TXNL1: variants seen among roughly 807,000 people sequenced by gnomAD.
TXNL1 encodes thioredoxin-like protein 1.
A neutral mutation model predicts 35.5 loss-of-function variants in TXNL1; 14 were observed. That is an observed-to-expected ratio of 0.39 (90% confidence interval 0.26 to 0.62). The LOEUF (loss-of-function observed/expected upper bound fraction) is 0.62, where lower values mean the gene tolerates loss of function less well. Among genes scored for constraint, TXNL1 ranks in the 20% least tolerant of loss-of-function variants. The probability of loss-of-function intolerance (pLI) is 0.47; values close to 1 mark genes in which losing one functional copy is unlikely to be tolerated. For missense variants in TXNL1, 263 were observed against 349.7 expected (o/e 0.75, Z 1.98); for synonymous variants, 110 against 115.5 (o/e 0.95, Z 0.31).
intron 1 of TXNL1, among the ~76,000 whole-genome samples, chr18:56,631,015 A>C (rs1430601908): frequency 2.0e-5 from 3 of 151,598 alleles, no homozygotes; most frequent in African/African-American, 7.3e-5. Flanking sequence ...CAAGCAGCTG[A>C]GACTACAGGC....
At chr18:56,618,459 C>T (rs1243249232) in intron 3 of TXNL1, among the ~76,000 whole-genome samples, 1 of 152,052 alleles carries the variant, frequency 6.6e-6, no homozygotes, top group Non-Finnish European at 1.5e-5. Flanking sequence ...AGCCTATTTC[C>T]CTCTTCTAGT....
intron 3 of TXNL1, among the ~76,000 whole-genome samples, chr18:56,620,051 C>G (rs1490441602): frequency 1.3e-5 from 2 of 152,112 alleles, no homozygotes; most frequent in East Asian, 3.9e-4. Context: ...TCACTGAAAC[C>G]TCCACCTCCC....
At chr18:56,603,169 T>C (rs1421016082) in intron 7 of TXNL1, 113 bp from the exon 8 acceptor site, 1 of 944,560 alleles carries the variant, frequency 1.1e-6, no homozygotes, top group Non-Finnish European at 1.6e-6. Context: ...CCTTGGATCT[T>C]TTCTGGCATG....
At chr18:56,608,864 T>C (rs2023944250) in intron 7 of TXNL1, 1 of 151,872 alleles carries the variant, frequency 6.6e-6, no homozygotes, top group African/African-American at 2.4e-5. Flanking sequence ...GGAGGATCAC[T>C]TGAGCCCAGG....
At chr18:56,631,572 A>G (rs2024371068) in intron 1 of TXNL1, among the ~76,000 whole-genome samples, 1 of 152,226 alleles carries the variant, frequency 6.6e-6, no homozygotes, top group Non-Finnish European at 1.5e-5. Context: ...ATTTTGAGTT[A>G]TGCTGTTTGA....
Position 56,607,609 on chromosome 18 carries a change from C to A in TXNL1, c.840+3384G>T, listed in dbSNP as rs559032631. On this transcript the variant is annotated intron_variant, in intron 7 of 7. Coordinates refer to ENST00000217515, the MANE Select transcript of TXNL1 (RefSeq NM_004786.3). ...AGGCACGGTGGCTCATGCCTCTAATCCCAGTACTTTGGAAGACCAAGGAAG... is the reference window on the plus strand; with the variant it reads ...AGGCACGGTGGCTCATGCCTCTAATACCAGTACTTTGGAAGACCAAGGAAG... 5.3e-5 allele frequency among the ~76,000 whole-genome samples: 8 copies of A among 152,216 alleles called. No individual in the cohort carries two copies. In the South Asian group the frequency reaches 1.7e-3, roughly 32 times the overall value.
chr18:56,638,203 T>C, intron 1 of TXNL1, 140 bp downstream of exon 1: 1 of 842,022 alleles, frequency 1.2e-6, no homozygotes, highest in Non-Finnish European at 1.8e-6. Context: ...AAACGAGGCC[T>C]AATTCCGGCA....
chr18:56,631,603 G>A (rs552722158), intron 1 of TXNL1, among the ~76,000 whole-genome samples: 2 of 152,226 alleles, frequency 1.3e-5, no homozygotes, highest in East Asian at 1.9e-4. Flanking sequence ...ACAGTAAACC[G>A]CTAGCTTTCT....
rs551207769 is a variant in TXNL1 at position 56,598,091 on chromosome 18, T to C, written c.*4936A>G. 2.2e-4 allele frequency: 34 copies of C among 152,334 alleles called. No individual in the cohort carries two copies. Among genetic ancestry groups the C allele is most frequent in the African/African-American group, 7.9e-4 (33 of 41,568 alleles). The allele number at this position is 152,334 out of a possible 1,614,324, so 9.4% of individuals were successfully genotyped here. ...CTTAACTCCCACTCTATGAACACAC[T>C]ATGCACTTTTCCTTTACTTCAGCTA... On this transcript the variant is annotated 3_prime_UTR_variant, in exon 8 of 8. Transcript: ENST00000217515.
chr18:56,626,053 G>C (rs946199693), intron 2 of TXNL1: 5 of 384,462 alleles, frequency 1.3e-5, no homozygotes, highest in Middle Eastern at 9.8e-4. Flanking sequence ...GGGGGTAGAA[G>C]ATATAATTCT....
At chr18:56,630,877 G>A (rs991997237) in intron 1 of TXNL1, among the ~76,000 whole-genome samples, 7 of 150,460 alleles carry the variant, frequency 4.7e-5, no homozygotes, top group African/African-American at 7.3e-5. Flanking sequence ...CAAATAAATC[G>A]ATCATTTTCT....
intron 5 of TXNL1, among the ~76,000 whole-genome samples, chr18:56,615,930 G>C (rs1598915914): frequency 6.6e-6 from 1 of 151,958 alleles, no homozygotes; most frequent in African/African-American, 2.4e-5. Flanking sequence ...AGGAGTTCAA[G>C]AACAGCCTGG....
chr18:56,622,547 A>C (rs2024206583), intron 3 of TXNL1, among the ~76,000 whole-genome samples: 1 of 152,234 alleles, frequency 6.6e-6, no homozygotes, highest in South Asian at 2.1e-4. Context: ...CCTGACAGAA[A>C]AAAAGGGACA....
chr18:56,636,359 A>G (rs534250503), intron 1 of TXNL1, among the ~76,000 whole-genome samples: 1 of 152,320 alleles, frequency 6.6e-6, no homozygotes, highest in Admixed American at 6.5e-5. Flanking sequence ...TACTGAATAC[A>G]GTTGTTTCTG....
At chr18:56,628,677 A>C (rs2144328284) in intron 1 of TXNL1, among the ~76,000 whole-genome samples, 1 of 152,334 alleles carries the variant, frequency 6.6e-6, no homozygotes, top group Non-Finnish European at 1.5e-5. Context: ...TGATAGAATA[A>C]GACTTCTGGA....
chr18:56,609,398 T>C (rs2023954555), intron 7 of TXNL1: 1 of 152,170 alleles, frequency 6.6e-6, no homozygotes, highest in Non-Finnish European at 1.5e-5. Context: ...AGGGGGATGT[T>C]AAACACGAGG....
chr18:56,633,127 C>T lies in TXNL1; in HGVS notation c.98+5216G>A, dbSNP rs552952246. 3.3e-5 allele frequency among the ~76,000 whole-genome samples: 5 copies of T among 151,000 alleles called. No individual in the cohort carries two copies. The East Asian group carries it at 7.8e-4, about 23-fold the overall frequency. On this transcript the variant is annotated intron_variant, in intron 1 of 7. Coordinates refer to ENST00000217515, the MANE Select transcript of TXNL1 (RefSeq NM_004786.3). ...TTCAATGTATCTCCAGCCTAAGCAA[C>T]ACGACAAAACCCCACCTCTACAAAA...
chr18:56,608,296 T>C (rs755094732), intron 7 of TXNL1: 1 of 152,248 alleles, frequency 6.6e-6, no homozygotes, highest in Non-Finnish European at 1.5e-5. Flanking sequence ...TTGAAGTTGT[T>C]ACTTTGTACA....
chr18:56,624,114 C>T (rs999146554), intron 3 of TXNL1, among the ~76,000 whole-genome samples, 174 bp downstream of exon 3: 5 of 152,038 alleles, frequency 3.3e-5, no homozygotes, highest in African/African-American at 1.2e-4. Flanking sequence ...CACACACAAA[C>T]GTACACATAC....
Sources: gnomAD v4.1 joint callset for allele counts (sites outside exome capture counted in the v4.1 genomes callset) on GRCh38, gnomAD v4.1.1 for gene constraint, MANE v1.5 for transcripts, NCBI Gene and HGNC (gene_info 2026-07-23, HGNC 2026-07-21) for gene names.